The following CDK5RAP1 variants were observed in gnomAD, a reference collection of about 807,000 sequenced individuals.
CDK5RAP1 encodes the protein CDK5RAP1 mitochondrial tRNA methylthiotransferase.
A neutral mutation model predicts 64.5 loss-of-function variants in CDK5RAP1; 62 were observed. That is an observed-to-expected ratio of 0.96 (90% CI 0.78 to 1.19). CDK5RAP1 has a LOEUF of 1.19. CDK5RAP1 is among the 50% of genes most tolerant of loss of function. CDK5RAP1 has a pLI of 0.00. For synonymous variants in CDK5RAP1, 250 were observed against 261.9 expected, an observed-to-expected ratio of 0.95 and a Z score of 0.44; for missense variants, 657 against 735.0, an observed-to-expected ratio of 0.89 and a Z score of 1.23.
At chr20:33,372,949 G>C (rs1438469119) in intron 9 of CDK5RAP1, 2 of 261,204 alleles carry the variant, frequency 7.7e-6, no homozygotes, top group Non-Finnish European at 1.4e-5. Context: ...GTCTCGCTCT[G>C]TCTCTCAGGC....
chr20:33,375,156 C>A (rs1016651783), intron 8 of CDK5RAP1, among the ~76,000 whole-genome samples: 5 of 151,820 alleles, frequency 3.3e-5, no homozygotes, highest in African/African-American at 4.8e-5. Flanking sequence ...AATCCCAGCA[C>A]TTTGGGAGGC....
intron 5 of CDK5RAP1, among the ~76,000 whole-genome samples, chr20:33,389,437 C>A (rs1987996525): frequency 6.6e-6 from 1 of 152,158 alleles, no homozygotes; most frequent in Admixed American, 6.5e-5. Flanking sequence ...GCAGCTGCCC[C>A]GACTGGGAAG....
chr20:33,388,896 G>C (rs1374854566), intron 5 of CDK5RAP1, among the ~76,000 whole-genome samples: 1 of 152,170 alleles, frequency 6.6e-6, no homozygotes, highest in Non-Finnish European at 1.5e-5. Context: ...TGAGGTGCCG[G>C]GATTGCAGAT....
rs554358876 is a variant in CDK5RAP1, at chr20:33,391,655, T to C, written c.544+487A>G. On this transcript the variant is annotated intron_variant, in intron 5 of 13. Coordinates refer to ENST00000346416, the MANE Select transcript of CDK5RAP1 (RefSeq NM_016408.4). Reference sequence around the variant, plus strand: ...TGACCAACATGGGGAAACCCGTCTCTACTAAAAATACAAAATTAGCCAGGC... The same window carrying C: ...TGACCAACATGGGGAAACCCGTCTCCACTAAAAATACAAAATTAGCCAGGC... Among the ~76,000 whole-genome samples the C allele has an allele frequency of 9.6e-4, 146 of 152,170 alleles. 1 individual carries two copies. The highest frequency in any genetic ancestry group is 1.8e-3 in the Non-Finnish European group (125 of 68,008).
chr20:33,376,996 A>G (rs1304420505), intron 8 of CDK5RAP1, among the ~76,000 whole-genome samples: 1 of 152,152 alleles, frequency 6.6e-6, no homozygotes, highest in African/African-American at 2.4e-5. Context: ...AGAATGGCAA[A>G]TCAACACTGG....
chr20:33,399,245 T>C lies in CDK5RAP1; in HGVS notation c.-20-2161A>G, dbSNP rs79540948. ...ACTGGACCCCACATCTATGGCCTAC[T>C]ACACTCCAGCCATGCCACACTTCTT... On this transcript the variant is annotated intron_variant, in intron 1 of 13. Transcript: ENST00000346416. 7.3e-3 allele frequency among the ~76,000 whole-genome samples: 1,114 copies of C among 152,208 alleles called. 10 individuals are homozygous for C. The highest frequency in any genetic ancestry group is 0.025 in the African/African-American group (1,052 of 41,512).
intron 12 of CDK5RAP1, among the ~76,000 whole-genome samples, chr20:33,363,216 G>A (rs1983251933): frequency 6.6e-6 from 1 of 152,098 alleles, no homozygotes; most frequent in African/African-American, 2.4e-5. Context: ...TAAGTGTCAA[G>A]GTCATGGAAG....
At chr20:33,395,729 T>C (rs1988840315) in intron 2 of CDK5RAP1, among the ~76,000 whole-genome samples, 1 of 152,160 alleles carries the variant, frequency 6.6e-6, no homozygotes. Flanking sequence ...AAGGAAGGAC[T>C]AGGCCGAGGG....
At chr20:33,380,516 G>A (rs1986609146) in intron 7 of CDK5RAP1, among the ~76,000 whole-genome samples, 1 of 152,078 alleles carries the variant, frequency 6.6e-6, no homozygotes, top group Non-Finnish European at 1.5e-5. Flanking sequence ...ATGATATCAT[G>A]GTTATGAAGA....
chr20:33,374,734 T>C (rs1009901006), intron 8 of CDK5RAP1, among the ~76,000 whole-genome samples: 5 of 151,942 alleles, frequency 3.3e-5, no homozygotes, highest in Non-Finnish European at 7.4e-5. Context: ...TGGCTAACTT[T>C]TGTATTTTTA....
chr20:33,390,814 G>A (rs115599676), intron 5 of CDK5RAP1, among the ~76,000 whole-genome samples: 2,962 of 152,184 alleles, frequency 0.019, 103 homozygotes, highest in African/African-American at 0.068. Context: ...TGGACCCATC[G>A]TTAGGAGAGA....
intron 13 of CDK5RAP1, 129 bp from the exon 14 acceptor site, chr20:33,359,252 G>A: frequency 1.5e-6 from 1 of 663,672 alleles, no homozygotes; most frequent in South Asian, 1.8e-5. Context: ...GAGACCACAT[G>A]GCTCCTGTGT....
intron 6 of CDK5RAP1, 52 bp downstream of exon 6, chr20:33,387,271 A>G: frequency 7.2e-7 from 1 of 1,392,070 alleles, no homozygotes. Context: ...AAAAAAAAAA[A>G]AGTGTGAAAG....
chr20:33,371,521 C>T (rs983167495), intron 10 of CDK5RAP1, among the ~76,000 whole-genome samples: 4 of 152,100 alleles, frequency 2.6e-5, no homozygotes, highest in Non-Finnish European at 5.9e-5. Flanking sequence ...GGTGCAGTGG[C>T]TCATGCCTGT....
chr20:33,374,528 G>T (rs992541373), intron 8 of CDK5RAP1, among the ~76,000 whole-genome samples: 2 of 151,966 alleles, frequency 1.3e-5, no homozygotes, highest in African/African-American at 4.8e-5. Flanking sequence ...GGAAAAAAAT[G>T]GCACTTCTTT....
chr20:33,368,594 C>T (rs1568684800), intron 11 of CDK5RAP1, among the ~76,000 whole-genome samples: 1 of 150,518 alleles, frequency 6.6e-6, no homozygotes, highest in Non-Finnish European at 1.5e-5. Flanking sequence ...TTTCTCAGGC[C>T]GGGCACAGTG....
chr20:33,358,992 C>G lies in CDK5RAP1; in HGVS notation c.*51G>C. 1 of 1,344,104 alleles carries G rather than the reference C, an allele frequency of 7.4e-7. No homozygotes were observed. Among genetic ancestry groups the G allele is most frequent in the Non-Finnish European group, 1.1e-6 (1 of 939,570 alleles). The allele number at this position is 1,344,104 out of a possible 1,614,324, so 83.3% of individuals were successfully genotyped here. A position where few individuals can be genotyped will look rare whatever the true frequency, so the allele number is the denominator to read the frequency against. ...TCCTCAGTGGCAGGCAATGTCTCCC[C>G]TTCCTGTTGGGGAGGATTGCCCAAG... On this transcript the variant is annotated 3_prime_UTR_variant, in exon 14 of 14. Coordinates refer to ENST00000346416, the MANE Select transcript of CDK5RAP1 (RefSeq NM_016408.4).
chr20:33,359,272 C>A (rs573273464), intron 13 of CDK5RAP1, 149 bp from the exon 14 acceptor site: 15 of 618,464 alleles, frequency 2.4e-5, no homozygotes, highest in African/African-American at 2.4e-4. Context: ...TGCCCCCGAT[C>A]CTGGCAGGAA....
Position 33,390,357 on chromosome 20 carries a change from A to G in CDK5RAP1, c.544+1785T>C, listed in dbSNP as rs987540164. Among the ~76,000 whole-genome samples the G allele has an allele frequency of 2.6e-5, 4 of 152,116 alleles. No individual in the cohort carries two copies. In the East Asian group the frequency reaches 7.7e-4, roughly 29 times the overall value. On this transcript the variant is annotated intron_variant, in intron 5 of 13. Transcript: ENST00000346416. ...CTGAGGACATTATGATAAGCCAAAT[A>G]AGACAGTCACAAAAAAGACAAAATT...
Sources: gnomAD v4.1 joint callset for allele counts (sites outside exome capture counted in the v4.1 genomes callset) on GRCh38, gnomAD v4.1.1 for gene constraint, MANE v1.5 for transcripts, NCBI Gene and HGNC (gene_info 2026-07-23, HGNC 2026-07-21) for gene names.